The following PPP2R1B variants were observed in gnomAD, a reference collection of about 807,000 sequenced individuals.
The protein encoded by PPP2R1B is protein phosphatase 2 scaffold subunit Abeta.
PPP2R1B carries 58 observed loss-of-function variants against 72.7 expected under a neutral mutation model. That is an observed-to-expected ratio of 0.80 (90% CI 0.65 to 0.99). The LOEUF (loss-of-function observed/expected upper bound fraction) is 0.99. Ranked by LOEUF, PPP2R1B falls within the 50% of genes least tolerant of loss-of-function variation. The probability of loss-of-function intolerance (pLI) is 0.00; values close to 1 mark genes in which losing one functional copy is unlikely to be tolerated. For synonymous variants in PPP2R1B, 256 were observed against 264.6 expected (o/e 0.97, Z 0.32); for missense variants, 695 against 733.6 (o/e 0.95, Z 0.61).
rs188986678 is a variant in PPP2R1B at position 111,738,159 on chromosome 11, C to T, written c.*3437G>A. The T allele has an allele frequency of 5.1e-6, 5 of 986,890 alleles. No individual in the cohort carries two copies. The highest frequency in any genetic ancestry group is 5.2e-4 in the Middle Eastern group (1 of 1,920). The allele number at this position is 986,890 out of a possible 1,614,324, so 61.1% of individuals were successfully genotyped here. A position where few individuals can be genotyped will look rare whatever the true frequency, so the allele number is the denominator to read the frequency against. ...CTGGAGAATCAAAGGGAAACAGTTA[C>T]ATCACATCAGACTGCAGTCACCTCA... is the stretch of plus-strand genomic sequence containing the variant. On this transcript the variant is annotated 3_prime_UTR_variant, in exon 15 of 15. Coordinates refer to ENST00000527614, the MANE Select transcript of PPP2R1B (RefSeq NM_002716.5).
chr11:111,701,425 A>G, the PPP2R1B span: 1 of 1,602,502 alleles, frequency 6.2e-7, no homozygotes, highest in Non-Finnish European at 8.5e-7. This position sits in a 1 kb window ranked among gnomAD's most constrained non-coding sequence, Gnocchi z 4.2. Flanking sequence ...CTTGGTAGAA[A>G]AGTCTCTGCA....
At chr11:111,700,498 T>A in the PPP2R1B span, among the ~76,000 whole-genome samples, 1 of 152,374 alleles carries the variant, frequency 6.6e-6, no homozygotes, top group East Asian at 1.9e-4. Context: ...TACTCATTTG[T>A]TTCTTTCCTT....
downstream of PPP2R1B, among the ~76,000 whole-genome samples, chr11:111,733,652 G>A (rs1440591856): frequency 6.6e-6 from 1 of 152,116 alleles, no homozygotes; most frequent in Admixed American, 6.5e-5. Flanking sequence ...TGGAGGAAAA[G>A]CCCACCAAGC....
chr11:111,721,059 T>G, the PPP2R1B span: 1 of 1,612,636 alleles, frequency 6.2e-7, no homozygotes, highest in East Asian at 2.2e-5. Context: ...GCAGCTGCCC[T>G]CAGGTGGGTA....
chr11:111,730,347 A>G (rs983526878), intron 15 of PPP2R1B: 6 of 152,218 alleles, frequency 3.9e-5, no homozygotes, highest in African/African-American at 1.4e-4. Context: ...CCTTTCCACC[A>G]TGGGTGGTAA....
At position 111,740,611 on chromosome 11, in the gene PPP2R1B, G is replaced by C. The variant is rs1039680156; in HGVS notation, c.*985C>G. 2 of 985,132 alleles carry C rather than the reference G, an allele frequency of 2.0e-6. No homozygotes were observed. Among genetic ancestry groups the C allele is most frequent in the African/African-American group, 3.5e-5 (2 of 57,200 alleles). The allele number at this position is 985,132 out of a possible 1,614,324, so 61.0% of individuals were successfully genotyped here. On this transcript the variant is annotated 3_prime_UTR_variant, in exon 15 of 15. Transcript: ENST00000527614. Reference sequence around the variant, plus strand: ...GAGGTTTTACTGTAAAAGTAGAAAAGCAAACACTTCAAATGATAAGACTCC... The same window carrying C: ...GAGGTTTTACTGTAAAAGTAGAAAACCAAACACTTCAAATGATAAGACTCC...
the PPP2R1B span, chr11:111,704,945 T>TGGC: frequency 6.5e-7 from 1 of 1,527,640 alleles, no homozygotes; most frequent in Non-Finnish European, 8.7e-7. Context: ...ATTGCATTGG[T>TGGC]CTTTACAGTT....
the PPP2R1B span, among the ~76,000 whole-genome samples, chr11:111,701,987 A>G: frequency 6.6e-6 from 1 of 152,252 alleles, no homozygotes; most frequent in Non-Finnish European, 1.5e-5. The surrounding 1 kb of genome is among the most constrained non-coding windows in gnomAD (Gnocchi z 4.2). Context: ...ATATGCCATA[A>G]TCCCTGCCTG....
At position 111,737,940 on chromosome 11, in the gene PPP2R1B, G is replaced by A. The variant is rs1038370341; in HGVS notation, c.*3656C>T. ...GACAGAAATGGCTTGGCTTTCCGAC[G>A]CAATGAGTAATTAAACTCTATTCGT... On this transcript the variant is annotated 3_prime_UTR_variant, in exon 15 of 15. Coordinates refer to ENST00000527614, the MANE Select transcript of PPP2R1B (RefSeq NM_002716.5). The A allele has an allele frequency of 1.7e-5, 18 of 1,039,570 alleles. No individual in the cohort carries two copies. The African/African-American group carries it at 2.7e-4, about 15-fold the overall frequency. The allele number at this position is 1,039,570 out of a possible 1,614,324, so 64.4% of individuals were successfully genotyped here.
rs142710224 is a variant in PPP2R1B, at chr11:111,751,969, C to T, written c.1338+190G>A. Reference sequence around the variant, plus strand: ...TCCAGCCTGGGCAACAACAGTGAAACTCCATCTTAAAAGAAAAGAAACGTA... The same window carrying T: ...TCCAGCCTGGGCAACAACAGTGAAATTCCATCTTAAAAGAAAAGAAACGTA... On this transcript the variant is annotated intron_variant, in intron 10 of 14. Transcript: ENST00000527614. Among the ~76,000 whole-genome samples the T allele has an allele frequency of 2.1e-3, 325 of 152,290 alleles. 5 individuals are homozygous for T. The South Asian group carries it at 0.027, about 13-fold the overall frequency.
chr11:111,760,260 T>G (rs1457063377), intron 4 of PPP2R1B, among the ~76,000 whole-genome samples: 1 of 152,088 alleles, frequency 6.6e-6, no homozygotes, highest in African/African-American at 2.4e-5. Context: ...AAAAATATTT[T>G]TGTTGTTGTT....
the PPP2R1B span, chr11:111,703,135 G>A: frequency 3.5e-6 from 5 of 1,424,886 alleles, no homozygotes; most frequent in Non-Finnish European, 4.9e-6. Flanking sequence ...AAAGTCACAT[G>A]AGTCAAGCAA....
At chr11:111,722,695 A>G (rs1943838513), downstream of PPP2R1B, 1 of 1,613,932 alleles carries the variant, frequency 6.2e-7, no homozygotes, top group Admixed American at 1.7e-5. This position sits in a 1 kb window ranked among gnomAD's most constrained non-coding sequence, Gnocchi z 4.4. Context: ...GGCCCAGAAC[A>G]CCTGTCAGCT....
the PPP2R1B span, among the ~76,000 whole-genome samples, chr11:111,704,272 T>C: frequency 6.6e-6 from 1 of 152,224 alleles, no homozygotes; most frequent in Non-Finnish European, 1.5e-5. Flanking sequence ...CTGAGAGTGC[T>C]CTGCATCCTG....
At chr11:111,765,461 A>G (rs1945491505) in intron 1 of PPP2R1B, 77 bp from the exon 2 acceptor site, 2 of 1,191,372 alleles carry the variant, frequency 1.7e-6, no homozygotes, top group African/African-American at 1.5e-5. Flanking sequence ...AGGTGCTAAC[A>G]GGTGAAATTA....
At chr11:111,712,476 G>A in the PPP2R1B span, 10 of 1,267,390 alleles carry the variant, frequency 7.9e-6, no homozygotes, top group Admixed American at 2.4e-5. Context: ...TTATCATTTC[G>A]TTAAGTCACT....
intron 13 of PPP2R1B, 110 bp downstream of exon 13, chr11:111,742,413 G>C (rs1941275876): frequency 8.0e-7 from 1 of 1,253,366 alleles, no homozygotes; most frequent in Non-Finnish European, 1.1e-6. Context: ...AGCAAACCCA[G>C]ATCTTAAGTA....
chr11:111,703,302 C>A, the PPP2R1B span: 1 of 1,614,182 alleles, frequency 6.2e-7, no homozygotes, highest in East Asian at 2.2e-5. Flanking sequence ...ATAGAAGTTC[C>A]TGTCCAGAGA....
chr11:111,747,864 T>C (rs1211198218), intron 11 of PPP2R1B, 90 bp downstream of exon 11: 2 of 1,253,902 alleles, frequency 1.6e-6, no homozygotes, highest in African/African-American at 3.1e-5. Flanking sequence ...TAAGGCAAAA[T>C]ATCTGGTCAG....
Sources: allele counts gnomAD v4.1 joint callset (sites outside exome capture counted in the v4.1 genomes callset), GRCh38; gene constraint gnomAD v4.1.1; non-coding constraint Gnocchi (gnomAD v3.1); transcripts MANE v1.5; gene names NCBI Gene and HGNC (gene_info 2026-07-23, HGNC 2026-07-21).